Variants in PRDM5 observed in about 807,000 individuals in gnomAD.
PRDM5 encodes PR domain zinc finger protein 5.
PRDM5 carries 56 observed loss-of-function variants against 81.2 expected under a neutral mutation model. The observed-to-expected ratio is 0.69, with a 90% CI of 0.56 to 0.86. The LOEUF is 0.86. PRDM5 is among the 40% of genes least tolerant of loss of function. PRDM5 has a pLI of 0.00. For missense variants in PRDM5, 697 were observed against 770.1 expected (o/e 0.91, Z 1.12); for synonymous variants, 267 against 256.4 (o/e 1.04, Z -0.39).
intron 2 of PRDM5, among the ~76,000 whole-genome samples, chr4:120,870,175 G>A (rs747472404): frequency 2.6e-5 from 4 of 151,912 alleles, no homozygotes; most frequent in South Asian, 2.1e-4. Context: ...GAAAGTGGAG[G>A]CCTGCTGGTC....
chr4:120,698,848 G>A (rs1306289278), intron 15 of PRDM5, among the ~76,000 whole-genome samples: 2 of 151,766 alleles, frequency 1.3e-5, no homozygotes, highest in South Asian at 2.1e-4. Context: ...ACATCTAATC[G>A]TCTCCATCTC....
chr4:120,742,546 A>C (rs1421033212), intron 14 of PRDM5, among the ~76,000 whole-genome samples: 10 of 151,874 alleles, frequency 6.6e-5, no homozygotes, highest in Non-Finnish European at 1.2e-4. Context: ...ATTTAGAAGA[A>C]TGTATAACTA....
At chr4:120,759,703 C>T (rs1270977158) in intron 13 of PRDM5, among the ~76,000 whole-genome samples, 1 of 152,202 alleles carries the variant, frequency 6.6e-6, no homozygotes, top group Non-Finnish European at 1.5e-5. Context: ...ACAGTCAGTA[C>T]ATGGGCTCTG....
At chr4:120,825,325 T>G (rs2149356713) in intron 3 of PRDM5, among the ~76,000 whole-genome samples, 1 of 152,302 alleles carries the variant, frequency 6.6e-6, no homozygotes, top group Non-Finnish European at 1.5e-5. Flanking sequence ...TGAATGCCAG[T>G]GGTTAACATA....
intron 8 of PRDM5, among the ~76,000 whole-genome samples, chr4:120,805,906 C>A (rs1752843967): frequency 6.6e-6 from 1 of 152,172 alleles, no homozygotes. Flanking sequence ...AAGAGGAAGT[C>A]AAATTGTCCG....
chr4:120,847,036 A>G (rs1758733089), intron 3 of PRDM5, among the ~76,000 whole-genome samples: 1 of 152,024 alleles, frequency 6.6e-6, no homozygotes, highest in Non-Finnish European at 1.5e-5. Flanking sequence ...TGGGTTCTGC[A>G]TTCCTTCTGA....
chr4:120,859,575 G>A (rs1313090149), intron 2 of PRDM5, among the ~76,000 whole-genome samples: 1 of 152,108 alleles, frequency 6.6e-6, no homozygotes, highest in Non-Finnish European at 1.5e-5. Flanking sequence ...AACAAAGATA[G>A]TGTTAAGGAT....
At chr4:120,689,668 G>A (rs1162901010), downstream of PRDM5, among the ~76,000 whole-genome samples, 1 of 150,770 alleles carries the variant, frequency 6.6e-6, no homozygotes, top group Admixed American at 6.6e-5. Context: ...GTGCAGTGGT[G>A]CAATCTTGGC....
chr4:120,755,762 C>T (rs1262814206), intron 13 of PRDM5, among the ~76,000 whole-genome samples: 1 of 152,104 alleles, frequency 6.6e-6, no homozygotes. Context: ...CAAGGCTGGC[C>T]CCATTGCACA....
chr4:120,684,770 GAATA>G (rs1733774715), downstream of PRDM5: 1 of 151,212 alleles, frequency 6.6e-6, no homozygotes, highest in African/African-American at 2.4e-5. Context: ...ATAATTACAT[GAATA>G]ATTACATGAA....
At chr4:120,707,306 C>T (rs368846714) in intron 15 of PRDM5, among the ~76,000 whole-genome samples, 12 of 145,820 alleles carry the variant, frequency 8.2e-5, no homozygotes, top group South Asian at 6.4e-4. Context: ...ATACATCATA[C>T]GAACAGAACA....
chr4:120,786,493 G>C (rs1749780376), intron 10 of PRDM5, among the ~76,000 whole-genome samples: 1 of 152,154 alleles, frequency 6.6e-6, no homozygotes, highest in Non-Finnish European at 1.5e-5. Flanking sequence ...GAAAAGAGTA[G>C]AAAGTTTAGT....
chr4:120,767,797 C>G (rs994441268), intron 13 of PRDM5, among the ~76,000 whole-genome samples: 1 of 152,110 alleles, frequency 6.6e-6, no homozygotes, highest in African/African-American at 2.4e-5. Context: ...ATGGGAGGGA[C>G]CCGGTGGGAA....
intron 14 of PRDM5, among the ~76,000 whole-genome samples, chr4:120,715,920 T>C (rs919104549): frequency 1.3e-5 from 2 of 152,116 alleles, no homozygotes; most frequent in African/African-American, 4.8e-5. Flanking sequence ...AGAACAACCC[T>C]TTTACTCCTT....
At position 120,836,201 on chromosome 4, in the gene PRDM5, G is replaced by T. The variant is rs959454838; in HGVS notation, c.301-14856C>A. 3.9e-5 allele frequency among the ~76,000 whole-genome samples: 6 copies of T among 151,954 alleles called. No individual in the cohort carries two copies. The East Asian group carries it at 1.2e-3, about 29-fold the overall frequency. Reference sequence around the variant, plus strand: ...GATTTGTTCTTAAGAAAGAGAAGGGGATATTTCTCTATTTTAGGAAAAAAG... The same window carrying T: ...GATTTGTTCTTAAGAAAGAGAAGGGTATATTTCTCTATTTTAGGAAAAAAG... On this transcript the variant is annotated intron_variant, in intron 3 of 15. Transcript: ENST00000264808.
At chr4:120,718,561 A>G (rs1320390559) in intron 14 of PRDM5, among the ~76,000 whole-genome samples, 1 of 152,192 alleles carries the variant, frequency 6.6e-6, no homozygotes, top group Non-Finnish European at 1.5e-5. Context: ...TTACACTTAG[A>G]CCTTTCTGCA....
At chr4:120,696,162 G>C (rs78732146) in intron 15 of PRDM5, among the ~76,000 whole-genome samples, 3,979 of 152,100 alleles carry the variant, frequency 0.026, 94 homozygotes, top group African/African-American at 0.065. Context: ...GGGTAAGAAG[G>C]GGGTAATCCA....
intron 3 of PRDM5, among the ~76,000 whole-genome samples, chr4:120,827,484 C>G (rs935422675): frequency 6.6e-6 from 1 of 152,090 alleles, no homozygotes; most frequent in South Asian, 2.1e-4. Context: ...TCAAATTAAT[C>G]ATTGCTAAAT....
intron 2 of PRDM5, among the ~76,000 whole-genome samples, chr4:120,902,468 G>C (rs987467007): frequency 6.6e-6 from 1 of 152,184 alleles, no homozygotes; most frequent in Non-Finnish European, 1.5e-5. Flanking sequence ...TGAAGGAAAT[G>C]TATCTCAAGC....
Sources: allele counts gnomAD v4.1 joint callset (sites outside exome capture counted in the v4.1 genomes callset), GRCh38; gene constraint gnomAD v4.1.1; transcripts MANE v1.5; gene names NCBI Gene and HGNC (gene_info 2026-07-23, HGNC 2026-07-21).